PAPSS2: variants seen among roughly 807,000 people sequenced by gnomAD.
The protein encoded by PAPSS2 is 3'-phosphoadenosine 5'-phosphosulfate synthase 2.
A neutral mutation model predicts 66.5 loss-of-function variants in PAPSS2; 61 were observed. The observed-to-expected ratio is 0.92, with a 90% CI of 0.75 to 1.14. The LOEUF (loss-of-function observed/expected upper bound fraction) is 1.14. Among genes scored for constraint, PAPSS2 ranks in the 50% most tolerant of loss-of-function variants. PAPSS2 has a pLI of 0.00. For synonymous variants in PAPSS2, 289 were observed against 287.5 expected (o/e 1.01, Z -0.05); for missense variants, 708 against 789.6 (o/e 0.90, Z 1.24).
Position 87,713,312 on chromosome 10 carries a change from T to TAAAAAAAAAAAAAAAAAAAAAAA in PAPSS2, c.381+24_381+25insAAAAAAAAAAAAAAAAAAAAAAA, listed in dbSNP as rs367885911. On this transcript the variant is annotated splice_region_variant and intron_variant, in intron 3 of 12. Transcript: ENST00000456849. ...AGCTTTATTTCTCCATTCGCAAAGG[T>TAAAAAAAAAAAAAAAAAAAAAAA]AAAAAAAAAAAAAAAAAAAAAAGGC... The TAAAAAAAAAAAAAAAAAAAAAAA allele has an allele frequency of 1.1e-4, 64 of 575,148 alleles. 9 individuals carry two copies. The highest frequency in any genetic ancestry group is 9.6e-4 in the East Asian group (18 of 18,772). The allele number at this position is 575,148 out of a possible 1,614,324, so 35.6% of individuals were successfully genotyped here. A position where few individuals can be genotyped will look rare whatever the true frequency, so the allele number is the denominator to read the frequency against.
At chr10:87,715,147 A>T in intron 6 of PAPSS2, 49 bp downstream of exon 6, 1 of 949,662 alleles carries the variant, frequency 1.1e-6, no homozygotes. Flanking sequence ...ATCAGTCATT[A>T]TAATTTATTT....
chr10:87,729,528 T>A (rs1853702529), intron 9 of PAPSS2, among the ~76,000 whole-genome samples: 1 of 151,930 alleles, frequency 6.6e-6, no homozygotes, highest in African/African-American at 2.4e-5. Context: ...TCACTGGCCA[T>A]TCCCGCATCT....
At chr10:87,729,402 A>G (rs1202862797) in intron 9 of PAPSS2, among the ~76,000 whole-genome samples, 1 of 152,058 alleles carries the variant, frequency 6.6e-6, no homozygotes, top group African/African-American at 2.4e-5. Flanking sequence ...TGTTATGGTG[A>G]TCTACGGTTA....
intron 8 of PAPSS2, among the ~76,000 whole-genome samples, chr10:87,726,227 C>T (rs368651195): frequency 1.3e-5 from 2 of 152,046 alleles, no homozygotes; most frequent in African/African-American, 2.4e-5. Flanking sequence ...GTCAAGAGAT[C>T]GAGACCATCC....
chr10:87,728,125 C>G (rs1853682917), intron 9 of PAPSS2, among the ~76,000 whole-genome samples: 1 of 152,244 alleles, frequency 6.6e-6, no homozygotes, highest in East Asian at 1.9e-4. Context: ...AATAGACTAA[C>G]TCCTCAGATT....
chr10:87,703,750 A>G (rs983793003), intron 1 of PAPSS2: 1 of 518,950 alleles, frequency 1.9e-6, no homozygotes, highest in Non-Finnish European at 3.8e-6. Flanking sequence ...TTTCTGGGCC[A>G]GTAGTGGGAA....
chr10:87,696,995 G>A (rs78580025), intron 1 of PAPSS2, among the ~76,000 whole-genome samples: 3,833 of 152,202 alleles, frequency 0.025, 121 homozygotes, highest in African/African-American at 0.072. Context: ...ACTGAAGTCC[G>A]TACTTTCTTT....
rs145818698 is a variant in PAPSS2, at chr10:87,745,160, G to A, written c.1650G>A (p.Val550=). The A allele has an allele frequency of 6.1e-5, 99 of 1,614,090 alleles. No individual in the cohort carries two copies. In the African/African-American group the frequency reaches 1.1e-3, roughly 18 times the overall value. ...GCATGGCCCCTGGCCTCACCTCTGT[G>A]GAAATCATTCCATTCCGAGTGGCTG... The part of the protein sequence containing the change: ...VLSMAPGLTS[V]EIIPFRVAAY... The change falls in exon 12 of 13, where the codon GTG becomes GTA. Residue 550 remains valine (V), a synonymous_variant. Transcript: ENST00000456849.
chr10:87,701,596 A>T (rs1853317882), intron 1 of PAPSS2, among the ~76,000 whole-genome samples: 1 of 151,542 alleles, frequency 6.6e-6, no homozygotes, highest in Non-Finnish European at 1.5e-5. Flanking sequence ...GCTAATTTTT[A>T]AATTTTTTTC....
At chr10:87,663,106 CTTT>C (rs1184871976) in intron 1 of PAPSS2, among the ~76,000 whole-genome samples, 2 of 67,604 alleles carry the variant, frequency 3.0e-5, no homozygotes, top group Non-Finnish European at 5.2e-5. Context: ...GAAGTAGCCA[CTTT>C]TTTTTTTTTT....
At chr10:87,675,543 G>T (rs187409945) in intron 1 of PAPSS2, among the ~76,000 whole-genome samples, 4 of 152,282 alleles carry the variant, frequency 2.6e-5, no homozygotes, top group South Asian at 2.1e-4. Context: ...TTTCATCTGA[G>T]AATGTAATTT....
intron 7 of PAPSS2, among the ~76,000 whole-genome samples, chr10:87,720,135 C>T (rs191759084): frequency 5.3e-5 from 8 of 152,224 alleles, no homozygotes; most frequent in Admixed American, 1.3e-4. Context: ...ATCCACCTGC[C>T]TCAGCCTCCT....
At chr10:87,681,602 T>C (rs1357465291) in intron 1 of PAPSS2, among the ~76,000 whole-genome samples, 1 of 152,182 alleles carries the variant, frequency 6.6e-6, no homozygotes, top group African/African-American at 2.4e-5. Flanking sequence ...GTTTAAAGAT[T>C]CCTAGAAAAT....
Position 87,659,943 on chromosome 10 carries a change from T to A in PAPSS2, c.-39T>A. On this transcript the variant is annotated 5_prime_UTR_variant, in exon 1 of 13. Transcript: ENST00000456849. ...GCCGCCGTCCCTGCGTCCTTCGGTCTCTGCTCCCGGGACCCGGGCTCCGCC... is the reference window on the plus strand; with the variant it reads ...GCCGCCGTCCCTGCGTCCTTCGGTCACTGCTCCCGGGACCCGGGCTCCGCC... 6.2e-7 allele frequency: 1 copy of A among 1,610,186 alleles called. No individual in the cohort carries two copies. The highest frequency in any genetic ancestry group is 8.5e-7 in the Non-Finnish European group (1 of 1,178,500).
At chr10:87,720,818 A>G (rs1853590772) in intron 7 of PAPSS2, among the ~76,000 whole-genome samples, 1 of 152,238 alleles carries the variant, frequency 6.6e-6, no homozygotes, top group Admixed American at 6.5e-5. Context: ...GTCACTCCAT[A>G]TTATTACTCA....
chr10:87,700,120 A>G (rs1367005355), intron 1 of PAPSS2, among the ~76,000 whole-genome samples: 1 of 152,180 alleles, frequency 6.6e-6, no homozygotes, highest in African/African-American at 2.4e-5. Flanking sequence ...TGGATGTGCC[A>G]TAATCTAGTT....
In PAPSS2 at chr10:87,713,319, A is replaced by AAAAAAG; in HGVS notation, c.381+14_381+15insGAAAAA. On this transcript the variant is annotated intron_variant, in intron 3 of 12. Coordinates refer to ENST00000456849, the MANE Select transcript of PAPSS2 (RefSeq NM_001015880.2). ...TTTCTCCATTCGCAAAGGTAAAAAAAAAAAAAAAAAAAAAAGGCACTACAC... is the reference window on the plus strand; with the variant it reads ...TTTCTCCATTCGCAAAGGTAAAAAAAAAAAAGAAAAAAAAAAAAAAAGGCACTACAC... The AAAAAAG allele has an allele frequency of 7.1e-7, 1 of 1,411,692 alleles. No individual in the cohort carries two copies. The highest frequency in any genetic ancestry group is 9.8e-7 in the Non-Finnish European group (1 of 1,018,892). 87.4% of individuals were successfully genotyped at this position (1,411,692 alleles called of 1,614,324 possible).
chr10:87,671,123 T>C (rs532541134), intron 1 of PAPSS2, among the ~76,000 whole-genome samples: 1 of 152,328 alleles, frequency 6.6e-6, no homozygotes, highest in Non-Finnish European at 1.5e-5. Flanking sequence ...TGCCTCAGGA[T>C]GCATAACCCT....
chr10:87,736,468 A>G (rs908875603), intron 9 of PAPSS2, among the ~76,000 whole-genome samples: 2 of 151,962 alleles, frequency 1.3e-5, no homozygotes, highest in African/African-American at 4.8e-5. Context: ...GGGTTTCACC[A>G]TATTGGCCAG....
Sources: allele counts gnomAD v4.1 joint callset (sites outside exome capture counted in the v4.1 genomes callset), GRCh38; gene constraint gnomAD v4.1.1; transcripts MANE v1.5; gene names NCBI Gene and HGNC (gene_info 2026-07-23, HGNC 2026-07-21).